Variants in SKI observed in about 807,000 individuals in gnomAD.
SKI encodes the protein SKI proto-oncogene, also known as ski oncogene.
A neutral mutation model predicts 59.3 loss-of-function variants in SKI; 23 were observed. The ratio of observed to expected loss-of-function variants is 0.39; its 90% CI spans 0.28 to 0.55. The LOEUF (loss-of-function observed/expected upper bound fraction) is 0.55, where lower values mean the gene tolerates loss of function less well. Among genes scored for constraint, SKI ranks in the 20% least tolerant of loss-of-function variants. The pLI, the probability that SKI is intolerant of heterozygous loss-of-function variation, is 0.67. For missense variants in SKI, 1,017 were observed against 1,038.9 expected (o/e 0.98, Z 0.29); for synonymous variants, 673 against 488.6 (o/e 1.38, Z -4.98).
Position 2,229,573 on chromosome 1 carries a change from C to T in SKI, c.807C>T (p.Asn269=), listed in dbSNP as rs1269231705. ...FVVHSHKALE[N]RTCHWGFDSA... ...TGCACTCGCACAAGGCCCTGGAGAA[C>T]CGGACCTGCCACTGGGGCTTCGACT... Residue 269 remains asparagine, a synonymous_variant, in exon 1 of 7, where the codon AAC becomes AAT. Transcript: ENST00000378536. The surrounding 1 kb of genome is among the most constrained non-coding windows in gnomAD (Gnocchi z 6.3). The T allele has an allele frequency of 1.9e-6, 3 of 1,611,652 alleles. No individual in the cohort carries two copies. The South Asian group carries it at 3.3e-5, about 18-fold the overall frequency.
At position 2,304,297 on chromosome 1, in the gene SKI, C is replaced by T. The variant is rs754922214; in HGVS notation, c.1479C>T (p.Thr493=). ...CTGTCTCTGCTTCCTCCTCAGTCAC[C>T]TCCTCCTTGTCCTCGCTCTCTTCCC... ...EVEVESREEF[T]SSLSSLSSPS... is the part of the protein sequence containing the mutation. The change falls in exon 5 of 7, where the codon ACC becomes ACT. Residue 493 remains threonine, a synonymous_variant. Coordinates refer to ENST00000378536, the MANE Select transcript of SKI (RefSeq NM_003036.4). The T allele has an allele frequency of 2.6e-6, 4 of 1,551,568 alleles. No homozygotes were observed. In the East Asian group the frequency reaches 7.3e-5, roughly 28 times the overall value.
At position 2,308,235 on chromosome 1, in the gene SKI, G is replaced by A. The variant is rs1640649620; in HGVS notation, c.*1470G>A. 6.6e-6 allele frequency: 1 copy of A among 152,188 alleles called. No individual in the cohort carries two copies. Among genetic ancestry groups the A allele is most frequent in the Admixed American group, 6.6e-5 (1 of 15,266 alleles). The allele number at this position is 152,188 out of a possible 1,614,324, so 9.4% of individuals were successfully genotyped here. Reference sequence around the variant, plus strand: ...CAGCTGCACGCGCTCACAGAAGGTGGAGGTTACTTGCCCAGGTACAGACGA... The same window carrying A: ...CAGCTGCACGCGCTCACAGAAGGTGAAGGTTACTTGCCCAGGTACAGACGA... On this transcript the variant is annotated 3_prime_UTR_variant, in exon 7 of 7. Transcript: ENST00000378536.
chr1:2,295,938 C>T (rs917881354), intron 1 of SKI, among the ~76,000 whole-genome samples: 1 of 152,088 alleles, frequency 6.6e-6, no homozygotes, highest in Non-Finnish European at 1.5e-5. Context: ...CCTGCGTGTA[C>T]GCCGAGGACT....
chr1:2,230,345 C>T lies in SKI; in HGVS notation c.969+610C>T, dbSNP rs562897932. On this transcript the variant is annotated intron_variant, in intron 1 of 6. Coordinates refer to ENST00000378536, the MANE Select transcript of SKI (RefSeq NM_003036.4). ...GGTGTCCAGGCTTCAGTGGCAGGGG[C>T]CCGAGACTTGGCGGCTCCAGCACTG... 1.3e-3 allele frequency among the ~76,000 whole-genome samples: 196 copies of T among 152,254 alleles called. 2 individuals are homozygous for T. Among genetic ancestry groups the T allele is most frequent in the African/African-American group, 4.6e-3 (191 of 41,542 alleles).
chr1:2,290,309 T>A (rs1197609267), intron 1 of SKI, among the ~76,000 whole-genome samples: 1 of 152,102 alleles, frequency 6.6e-6, no homozygotes, highest in Non-Finnish European at 1.5e-5. Flanking sequence ...GTGGCTGTGA[T>A]GGGGACTCTT....
intron 1 of SKI, among the ~76,000 whole-genome samples, chr1:2,278,135 C>T (rs1048004364): frequency 2.6e-5 from 4 of 152,338 alleles, no homozygotes; most frequent in South Asian, 2.1e-4. Flanking sequence ...TCTTAGGAGC[C>T]CAGTGTCCCC....
intron 1 of SKI, among the ~76,000 whole-genome samples, chr1:2,233,018 C>T (rs1392254477): frequency 1.3e-5 from 2 of 152,166 alleles, no homozygotes; most frequent in Non-Finnish European, 2.9e-5. Context: ...TCAGTATAGA[C>T]AGCTGTCAGA....
chr1:2,306,144 A>G lies in SKI; in HGVS notation c.1892A>G (p.Asn631Ser). 2 of 1,595,498 alleles carry G rather than the reference A, an allele frequency of 1.3e-6. No homozygotes were observed. Among genetic ancestry groups the G allele is most frequent in the Non-Finnish European group, 1.7e-6 (2 of 1,172,298 alleles). Residue 631 changes from asparagine (N) to serine (S), a missense_variant, in exon 6 of 7, where the codon AAC becomes AGC. By Grantham distance (46) the Asn-to-Ser change is conservative (BLOSUM62 1). Transcript: ENST00000378536. ...AENEKKMKEA[N>S]ESRLRLKREL... ...AACGAGAAGAAGATGAAAGAGGCCA[A>G]CGAGTCACGGCTGCGCCTGAAGCGG... is the stretch of plus-strand genomic sequence containing the variant.
intron 1 of SKI, among the ~76,000 whole-genome samples, chr1:2,262,610 C>T (rs1475269753): frequency 6.6e-6 from 1 of 152,218 alleles, no homozygotes; most frequent in African/African-American, 2.4e-5. Context: ...GGATTTGGCA[C>T]CGTCGAGTGT....
intron 1 of SKI, among the ~76,000 whole-genome samples, chr1:2,251,735 T>A (rs1316882769): frequency 6.6e-6 from 1 of 152,230 alleles, no homozygotes; most frequent in Admixed American, 6.5e-5. Flanking sequence ...AGCTGTGAAA[T>A]TGTGTTTGTA....
intron 1 of SKI, among the ~76,000 whole-genome samples, chr1:2,285,496 C>CA (rs1200257626): frequency 1.8e-4 from 27 of 150,362 alleles, no homozygotes; most frequent in Non-Finnish European, 3.2e-4. Flanking sequence ...GCCTGGGTGA[C>CA]AAAAGCAAAA....
intron 1 of SKI, among the ~76,000 whole-genome samples, chr1:2,285,102 T>G (rs910651225): frequency 6.6e-6 from 1 of 152,050 alleles, no homozygotes; most frequent in African/African-American, 2.4e-5. Flanking sequence ...GAGATAGGTG[T>G]CATGCGGCAG....
In SKI at chr1:2,308,146, G is replaced by T. The variant is rs897504865; in HGVS notation, c.*1381G>T. 6.6e-6 allele frequency: 1 copy of T among 152,184 alleles called. No homozygotes were observed. Among genetic ancestry groups the T allele is most frequent in the African/African-American group, 2.4e-5 (1 of 41,440 alleles). 9.4% of individuals were successfully genotyped at this position (152,184 alleles called of 1,614,324 possible). A position where few individuals can be genotyped will look rare whatever the true frequency, so the allele number is the denominator to read the frequency against. ...GGCGGCTACCTATCCTACAGTTACG[G>T]TATTTATTTACATAAGAAGATCTTA... On this transcript the variant is annotated 3_prime_UTR_variant, in exon 7 of 7. Coordinates refer to ENST00000378536, the MANE Select transcript of SKI (RefSeq NM_003036.4).
Position 2,267,728 on chromosome 1 carries a change from A to T in SKI, c.970-35250A>T, listed in dbSNP as rs542349822. ...TTGGGCTTCAGGAAACGCAGCTGGG[A>T]CATCCTGAGGTGTGTGAGGCTGATG... On this transcript the variant is annotated intron_variant, in intron 1 of 6. Coordinates refer to ENST00000378536, the MANE Select transcript of SKI (RefSeq NM_003036.4). This position sits in a 1 kb window ranked among gnomAD's most constrained non-coding sequence, Gnocchi z 4.1. Among the ~76,000 whole-genome samples the T allele has an allele frequency of 2.6e-5, 4 of 152,164 alleles. No individual in the cohort carries two copies. Among genetic ancestry groups the T allele is most frequent in the Non-Finnish European group, 1.5e-5 (1 of 68,028 alleles).
chr1:2,235,057 T>C (rs1163960291), intron 1 of SKI, among the ~76,000 whole-genome samples: 2 of 151,206 alleles, frequency 1.3e-5, no homozygotes, highest in Non-Finnish European at 3.0e-5. Flanking sequence ...TTTTTTTTTT[T>C]TTTGAGACAG....
chr1:2,293,849 C>T (rs1195338997), intron 1 of SKI, among the ~76,000 whole-genome samples: 1 of 152,224 alleles, frequency 6.6e-6, no homozygotes, highest in African/African-American at 2.4e-5. Flanking sequence ...AGGCCTGTGG[C>T]TGCAGGTTCC....
At position 2,303,943 on chromosome 1, in the gene SKI, G is replaced by A. The variant is rs575093513; in HGVS notation, c.1315G>A (p.Val439Ile). 54 of 1,611,600 alleles carry A rather than the reference G, an allele frequency of 3.4e-5. No individual in the cohort carries two copies. The African/African-American group carries it at 5.2e-4, about 16-fold the overall frequency. The change falls in exon 4 of 7, where the codon GTC (valine) becomes ATC (isoleucine). Residue 439 changes from valine to isoleucine, a missense_variant. Physicochemically the swap from Val to Ile is conservative, Grantham distance 29. Coordinates refer to ENST00000378536, the MANE Select transcript of SKI (RefSeq NM_003036.4). This position sits in a 1 kb window ranked among gnomAD's most constrained non-coding sequence, Gnocchi z 5.6. ...GAGCAGCCCTCCGTGTGCCGCCGCC[G>A]TCTCCCGGGCCCCCGAGCCTCTCGC... is the stretch of plus-strand genomic sequence containing the variant. Reference protein sequence around the residue: ...VVSSPPCAAAVSRAPEPLATC... With the variant: ...VVSSPPCAAAISRAPEPLATC...
At chr1:2,230,448 G>A (rs1288990647) in intron 1 of SKI, among the ~76,000 whole-genome samples, 2 of 152,206 alleles carry the variant, frequency 1.3e-5, no homozygotes, top group Admixed American at 6.5e-5. Flanking sequence ...TTTGGCACCC[G>A]GCTGAGGGGC....
At chr1:2,244,763 A>T (rs72927819) in intron 1 of SKI, among the ~76,000 whole-genome samples, 1 of 152,190 alleles carries the variant, frequency 6.6e-6, no homozygotes, top group African/African-American at 2.4e-5. Flanking sequence ...AAATAAACAT[A>T]ATGTTGACCA....
Sources: allele counts gnomAD v4.1 joint callset (sites outside exome capture counted in the v4.1 genomes callset), GRCh38; gene constraint gnomAD v4.1.1; non-coding constraint Gnocchi (gnomAD v3.1); transcripts MANE v1.5; gene names NCBI Gene and HGNC (gene_info 2026-07-23, HGNC 2026-07-21).